The following FYN variants were observed in gnomAD, a reference collection of about 807,000 sequenced individuals.
FYN encodes FYN proto-oncogene, Src family tyrosine kinase, also known as tyrosine-protein kinase Fyn.
Under a neutral mutation model 70.2 loss-of-function variants are expected in FYN, and 10 were observed. That is an observed-to-expected ratio of 0.14 (90% CI 0.09 to 0.24). The LOEUF is 0.24. FYN is among the 10% of genes least tolerant of loss of function. The pLI, the probability that FYN is intolerant of heterozygous loss-of-function variation, is 1.00. For synonymous variants in FYN, 236 were observed against 248.6 expected, an observed-to-expected ratio of 0.95 and a Z score of 0.48; for missense variants, 319 against 673.1, an observed-to-expected ratio of 0.47 and a Z score of 5.82.
intron 3 of FYN, among the ~76,000 whole-genome samples, chr6:111,769,195 C>T (rs1803344338): frequency 6.6e-6 from 1 of 152,210 alleles, no homozygotes; most frequent in African/African-American, 2.4e-5. Flanking sequence ...TTTGCAGTGC[C>T]ATCCTTCAGT....
At position 111,661,609 on chromosome 6, in the gene FYN, G is replaced by T; in HGVS notation, c.*130C>A. The stretch of plus-strand genomic sequence containing the variant: ...TAATGAGGGCCATGGAAGTTCGTCA[G>T]CTTCAGAGTCACATGCAATCTGATC... On this transcript the variant is annotated 3_prime_UTR_variant, in exon 14 of 14. Coordinates refer to ENST00000354650, the MANE Select transcript of FYN (RefSeq NM_002037.5). The surrounding 1 kb of genome is among the most constrained non-coding windows in gnomAD (Gnocchi z 4.0). 1 of 832,498 alleles carries T rather than the reference G, an allele frequency of 1.2e-6. No individual in the cohort carries two copies. Among genetic ancestry groups the T allele is most frequent in the Non-Finnish European group, 1.9e-6 (1 of 521,580 alleles). The allele number at this position is 832,498 out of a possible 1,614,324, so 51.6% of individuals were successfully genotyped here. A position where few individuals can be genotyped will look rare whatever the true frequency, so the allele number is the denominator to read the frequency against.
At chr6:111,775,241 T>C (rs1203180349) in intron 3 of FYN, among the ~76,000 whole-genome samples, 1 of 152,188 alleles carries the variant, frequency 6.6e-6, no homozygotes, top group Non-Finnish European at 1.5e-5. Flanking sequence ...TTATAAGTGT[T>C]GCTACAGATA....
chr6:111,716,823 C>T (rs1288518907), intron 4 of FYN, among the ~76,000 whole-genome samples: 3 of 142,368 alleles, frequency 2.1e-5, no homozygotes, highest in Admixed American at 7.3e-5. Flanking sequence ...TCACTCTTGT[C>T]GCCCAGGCTG....
intron 2 of FYN, among the ~76,000 whole-genome samples, chr6:111,815,003 T>A (rs1236803915): frequency 6.6e-6 from 1 of 152,222 alleles, no homozygotes; most frequent in East Asian, 1.9e-4. Context: ...CAGGTGTGCT[T>A]TAAAAAGATT....
In FYN at chr6:111,823,513, T is replaced by C. The variant is rs890043500; in HGVS notation, c.-82+23076A>G. 2.7e-5 allele frequency among the ~76,000 whole-genome samples: 4 copies of C among 150,918 alleles called. No individual in the cohort carries two copies. In the East Asian group the frequency reaches 5.8e-4, roughly 22 times the overall value. The stretch of plus-strand genomic sequence containing the variant: ...AAATGTCAGGCAAAAAATTTTATAC[T>C]TTTTTCCCCCTTTTATAAAGAATGG... On this transcript the variant is annotated intron_variant, in intron 2 of 13. Transcript: ENST00000354650.
At chr6:111,668,665 C>T (rs1798120002) in intron 13 of FYN, among the ~76,000 whole-genome samples, 2 of 152,080 alleles carry the variant, frequency 1.3e-5, no homozygotes, top group African/African-American at 4.8e-5. Context: ...CCCTGGTCTC[C>T]CTCCTCCTCT....
At chr6:111,764,216 C>CAAAAAAAAAAAAAAA (rs11409465) in intron 3 of FYN, among the ~76,000 whole-genome samples, 10 of 58,328 alleles carry the variant, frequency 1.7e-4, no homozygotes, top group African/African-American at 2.7e-4. Context: ...TTTTGTCAAG[C>CAAAAAAAAAAAAAAA]AAAAAAAAAA....
intron 2 of FYN, among the ~76,000 whole-genome samples, chr6:111,809,050 A>G (rs956247460): frequency 2.6e-5 from 4 of 152,238 alleles, no homozygotes; most frequent in Non-Finnish European, 5.9e-5. Context: ...AATACACTAC[A>G]GAAAAGGAAA....
At chr6:111,822,929 T>C (rs1298892246) in intron 2 of FYN, among the ~76,000 whole-genome samples, 3 of 152,064 alleles carry the variant, frequency 2.0e-5, no homozygotes, top group Non-Finnish European at 4.4e-5. Context: ...AATTTCCACA[T>C]GGCTGCTACA....
At chr6:111,789,454 T>C (rs544849182) in intron 2 of FYN, among the ~76,000 whole-genome samples, 1 of 152,294 alleles carries the variant, frequency 6.6e-6, no homozygotes, top group African/African-American at 2.4e-5. Context: ...AGTACTGATA[T>C]CATTTCATAT....
At chr6:111,755,570 G>A (rs868797581) in intron 3 of FYN, among the ~76,000 whole-genome samples, 1 of 152,146 alleles carries the variant, frequency 6.6e-6, no homozygotes. Context: ...CGGAGAATAT[G>A]CACTAAAGAA....
intron 2 of FYN, among the ~76,000 whole-genome samples, chr6:111,827,590 T>G (rs952230759): frequency 1.3e-5 from 2 of 152,186 alleles, no homozygotes; most frequent in Non-Finnish European, 2.9e-5. Flanking sequence ...ACAGTGACAC[T>G]GGGGGTATAC....
At chr6:111,829,143 T>C (rs1001875625) in intron 2 of FYN, among the ~76,000 whole-genome samples, 2 of 152,200 alleles carry the variant, frequency 1.3e-5, no homozygotes, top group Admixed American at 1.3e-4. Context: ...AATCCTATTT[T>C]TTACATTTAC....
chr6:111,728,343 A>G (rs1287068353), intron 3 of FYN, among the ~76,000 whole-genome samples: 2 of 152,244 alleles, frequency 1.3e-5, no homozygotes, highest in Non-Finnish European at 2.9e-5. Context: ...AATTTCATTT[A>G]AAGTGAGATA....
intron 3 of FYN, among the ~76,000 whole-genome samples, chr6:111,779,280 C>T (rs779102494): frequency 1.3e-5 from 2 of 152,012 alleles, no homozygotes; most frequent in Admixed American, 6.6e-5. Flanking sequence ...CTGAGTTTCC[C>T]AACCACAGGT....
chr6:111,842,888 C>T (rs1773407713), intron 2 of FYN, among the ~76,000 whole-genome samples: 1 of 152,218 alleles, frequency 6.6e-6, no homozygotes, highest in South Asian at 2.1e-4. Flanking sequence ...CTTCCATGTA[C>T]ATTCTACATT....
intron 10 of FYN, among the ~76,000 whole-genome samples, chr6:111,695,915 C>A (rs1799553067): frequency 6.6e-6 from 1 of 152,114 alleles, no homozygotes; most frequent in African/African-American, 2.4e-5. Flanking sequence ...AATTGTTTAG[C>A]CCTGCAAAAA....
At chr6:111,664,411 A>C (rs1033685237) in intron 13 of FYN, among the ~76,000 whole-genome samples, 3 of 152,152 alleles carry the variant, frequency 2.0e-5, no homozygotes, top group African/African-American at 7.2e-5. Context: ...TGCTCCACAG[A>C]GCGCATGTCA....
chr6:111,823,032 G>A (rs533456651), intron 2 of FYN, among the ~76,000 whole-genome samples: 12 of 152,344 alleles, frequency 7.9e-5, no homozygotes, highest in South Asian at 6.2e-4. Context: ...CCACAGGGCG[G>A]CTAACACACA....
Sources: allele counts gnomAD v4.1 joint callset (sites outside exome capture counted in the v4.1 genomes callset), GRCh38; gene constraint gnomAD v4.1.1; non-coding constraint Gnocchi (gnomAD v3.1); transcripts MANE v1.5; gene names NCBI Gene and HGNC (gene_info 2026-07-23, HGNC 2026-07-21).